The following ARHGAP25 variants were observed in gnomAD, a reference collection of about 807,000 sequenced individuals.
The protein encoded by ARHGAP25 is Rho GTPase activating protein 25.
A neutral mutation model predicts 71.0 loss-of-function variants in ARHGAP25; 34 were observed. The observed-to-expected ratio is 0.48, with a 90% CI of 0.36 to 0.64. The LOEUF (loss-of-function observed/expected upper bound fraction) is 0.64, where lower values mean the gene tolerates loss of function less well. Among genes scored for constraint, ARHGAP25 ranks in the 30% least tolerant of loss-of-function variants. The pLI is 0.00. For synonymous variants in ARHGAP25, 282 were observed against 296.5 expected (o/e 0.95, Z 0.50); for missense variants, 706 against 805.1 (o/e 0.88, Z 1.49).
At chr2:68,805,374 C>T (rs1680288681) in intron 4 of ARHGAP25, among the ~76,000 whole-genome samples, 1 of 151,964 alleles carries the variant, frequency 6.6e-6, no homozygotes, top group South Asian at 2.1e-4. Context: ...GAACAACAGC[C>T]AAGCAGATTT....
At chr2:68,819,434 G>C in intron 9 of ARHGAP25, 115 bp downstream of exon 9, 1 of 1,031,202 alleles carries the variant, frequency 9.7e-7, no homozygotes, top group Non-Finnish European at 1.5e-6. Context: ...TGCAGTGGCA[G>C]TGGGCGCTGC....
At chr2:68,778,063 T>A (rs547694532) in intron 2 of ARHGAP25, among the ~76,000 whole-genome samples, 2 of 152,308 alleles carry the variant, frequency 1.3e-5, no homozygotes, top group South Asian at 4.1e-4. Flanking sequence ...GAATGTTCCA[T>A]AATTTATTTA....
chr2:68,808,137 G>A (rs1226069567), intron 5 of ARHGAP25, among the ~76,000 whole-genome samples: 2 of 151,996 alleles, frequency 1.3e-5, no homozygotes, highest in African/African-American at 4.8e-5. Context: ...ACTCAGCTGA[G>A]GTTTCCTTCT....
At chr2:68,783,671 C>T (rs571181821) in intron 3 of ARHGAP25, among the ~76,000 whole-genome samples, 3 of 152,128 alleles carry the variant, frequency 2.0e-5, no homozygotes, top group African/African-American at 4.8e-5. Context: ...ACATGTTGGC[C>T]GGGCTGCTCT....
intron 2 of ARHGAP25, among the ~76,000 whole-genome samples, chr2:68,713,470 C>G (rs1035665310): frequency 1.3e-5 from 2 of 152,146 alleles, no homozygotes; most frequent in Non-Finnish European, 2.9e-5. Flanking sequence ...TTGACTTCCT[C>G]TCTTCCTATT....
intron 4 of ARHGAP25, 138 bp downstream of exon 4, chr2:68,788,094 G>C (rs1678884227): frequency 1.5e-6 from 1 of 689,520 alleles, no homozygotes; most frequent in African/African-American, 1.8e-5. Context: ...CCATGGCCAA[G>C]TGCTCTGTCA....
At chr2:68,794,843 G>A (rs1679424214) in intron 4 of ARHGAP25, among the ~76,000 whole-genome samples, 1 of 152,026 alleles carries the variant, frequency 6.6e-6, no homozygotes, top group South Asian at 2.1e-4. Flanking sequence ...GTTTCAGGAG[G>A]GTTGGTATTA....
rs2104418830 is a variant in ARHGAP25, at chr2:68,796,016, T to C, written c.466+8060T>C. Among the ~76,000 whole-genome samples, 2 of 152,332 alleles carry C rather than the reference T, an allele frequency of 1.3e-5. 1 individual carries two copies. The highest frequency in any genetic ancestry group is 4.8e-5 in the African/African-American group (2 of 41,590). On this transcript the variant is annotated intron_variant, in intron 4 of 10. Transcript: ENST00000409202. ...AGTTCCAAATGACTCACTTTGTTCATTCCTTTTTATTCTTTTTTCTTTATT... is the reference window on the plus strand; with the variant it reads ...AGTTCCAAATGACTCACTTTGTTCACTCCTTTTTATTCTTTTTTCTTTATT...
intron 2 of ARHGAP25, among the ~76,000 whole-genome samples, chr2:68,777,985 A>G (rs1678043005): frequency 6.6e-6 from 1 of 152,170 alleles, no homozygotes; most frequent in South Asian, 2.1e-4. Flanking sequence ...TATATCATGA[A>G]TTTTGCCCCA....
intron 2 of ARHGAP25, among the ~76,000 whole-genome samples, chr2:68,725,323 T>C (rs1390938710): frequency 2.0e-5 from 3 of 151,994 alleles, no homozygotes; most frequent in East Asian, 3.8e-4. Context: ...TATTTTATTA[T>C]AATAATAATA....
intron 4 of ARHGAP25, among the ~76,000 whole-genome samples, chr2:68,804,202 T>C (rs1680200619): frequency 1.3e-5 from 2 of 152,302 alleles, no homozygotes; most frequent in South Asian, 2.1e-4. Flanking sequence ...ATCTGCAAGG[T>C]GGAGCATCTC....
At chr2:68,778,787 C>T (rs930601579) in intron 2 of ARHGAP25, among the ~76,000 whole-genome samples, 19 of 152,164 alleles carry the variant, frequency 1.2e-4, no homozygotes, top group Admixed American at 3.3e-4. Flanking sequence ...TTGGACCTAG[C>T]GTCCGGCAAA....
intron 2 of ARHGAP25, among the ~76,000 whole-genome samples, chr2:68,724,054 T>C (rs1458640326): frequency 6.6e-6 from 1 of 151,988 alleles, no homozygotes; most frequent in Non-Finnish European, 1.5e-5. Context: ...GTCAAATCTC[T>C]CTCTTCTTTG....
chr2:68,762,034 T>C (rs567052574), intron 1 of ARHGAP25, among the ~76,000 whole-genome samples: 1 of 152,332 alleles, frequency 6.6e-6, no homozygotes, highest in Admixed American at 6.5e-5. Flanking sequence ...ATACATTCAA[T>C]AGAATGTATT....
chr2:68,733,717 G>A (rs1039275273), upstream of ARHGAP25, among the ~76,000 whole-genome samples: 2 of 152,196 alleles, frequency 1.3e-5, no homozygotes, highest in African/African-American at 4.8e-5. Context: ...CAATGAAACG[G>A]GAACCCAGGT....
intron 1 of ARHGAP25, among the ~76,000 whole-genome samples, chr2:68,751,217 C>T (rs985819143): frequency 6.6e-6 from 1 of 152,150 alleles, no homozygotes; most frequent in African/African-American, 2.4e-5. Flanking sequence ...TGCTCACTCA[C>T]CCAGCCAATG....
In ARHGAP25 at chr2:68,775,214, T is replaced by C; in HGVS notation, c.62-7T>C. ...CGGTCAGTCGGCCTGTCTGTTCCTC[T>C]CTATAGCTCGGTCAAGGAGTGTGAT... On this transcript the variant is annotated splice_region_variant and splice_polypyrimidine_tract_variant and intron_variant, in intron 1 of 10. Transcript: ENST00000409202. 1 of 1,614,236 alleles carries C rather than the reference T, an allele frequency of 6.2e-7. No homozygotes were observed. The highest frequency in any genetic ancestry group is 1.7e-5 in the Admixed American group (1 of 60,030).
intron 10 of ARHGAP25, among the ~76,000 whole-genome samples, chr2:68,823,629 G>A (rs1225493357): frequency 1.3e-5 from 2 of 152,160 alleles, no homozygotes; most frequent in South Asian, 2.1e-4. Flanking sequence ...GAGGAGATGA[G>A]GGTGGAGAAG....
chr2:68,743,937 G>A (rs773884373), intron 1 of ARHGAP25, among the ~76,000 whole-genome samples: 6 of 152,254 alleles, frequency 3.9e-5, no homozygotes, highest in Middle Eastern at 3.4e-3. Context: ...TGAATTTCCT[G>A]AGAAGCCACA....
Sources: gnomAD v4.1 joint callset for allele counts (sites outside exome capture counted in the v4.1 genomes callset) on GRCh38, gnomAD v4.1.1 for gene constraint, MANE v1.5 for transcripts, NCBI Gene and HGNC (gene_info 2026-07-23, HGNC 2026-07-21) for gene names.